Variants in TRPM3 observed in about 807,000 individuals in gnomAD.
The protein encoded by TRPM3 is long transient receptor potential channel 3.
Under a neutral mutation model 181.2 loss-of-function variants are expected in TRPM3, and 77 were observed. That is an observed-to-expected ratio of 0.42 (90% CI 0.35 to 0.51). TRPM3 has a LOEUF of 0.51. Ranked by LOEUF, TRPM3 falls within the 20% of genes least tolerant of loss-of-function variation. The pLI is 0.01. For missense variants in TRPM3, 1,759 were observed against 2,196.7 expected (o/e 0.80, Z 3.98); for synonymous variants, 745 against 796.4 (o/e 0.94, Z 1.09).
At chr9:70,850,561 A>G (rs2095185404) in intron 3 of TRPM3, among the ~76,000 whole-genome samples, 1 of 152,168 alleles carries the variant, frequency 6.6e-6, no homozygotes, top group East Asian at 1.9e-4. Context: ...TATACTAATT[A>G]TGTTCAGCTT....
At chr9:71,101,508 A>G (rs1312708351) in intron 1 of TRPM3, among the ~76,000 whole-genome samples, 1 of 152,184 alleles carries the variant, frequency 6.6e-6, no homozygotes, top group East Asian at 1.9e-4. Context: ...CAGGGAGTAC[A>G]GGTAGGATGG....
At chr9:70,744,687 G>C (rs1385428213) in intron 8 of TRPM3, among the ~76,000 whole-genome samples, 1 of 152,134 alleles carries the variant, frequency 6.6e-6, no homozygotes, top group Non-Finnish European at 1.5e-5. Flanking sequence ...ATAATGACTG[G>C]TATATAGGGG....
At chr9:71,147,317 C>A (rs1010641207) in intron 1 of TRPM3, among the ~76,000 whole-genome samples, 1 of 151,710 alleles carries the variant, frequency 6.6e-6, no homozygotes, top group African/African-American at 2.4e-5. Flanking sequence ...ATCCCTAAAC[C>A]CAGATAGAAA....
chr9:71,372,739 G>C (rs943341561), intron 1 of TRPM3, among the ~76,000 whole-genome samples: 44 of 152,098 alleles, frequency 2.9e-4, no homozygotes, highest in African/African-American at 1.0e-3. Context: ...AATGTAAATG[G>C]GCTAAATACC....
At chr9:70,862,871 A>T (rs765999036) in intron 3 of TRPM3, 37 bp downstream of exon 3, 2 of 1,602,918 alleles carry the variant, frequency 1.2e-6, no homozygotes, top group Non-Finnish European at 1.7e-6. Context: ...GAGACTTGAG[A>T]TAGCATTTGG....
At chr9:71,101,847 C>T (rs1303026865) in intron 1 of TRPM3, among the ~76,000 whole-genome samples, 1 of 152,148 alleles carries the variant, frequency 6.6e-6, no homozygotes, top group East Asian at 1.9e-4. Context: ...TGTGAGAAAG[C>T]TACATTTAAG....
chr9:70,668,298 A>G (rs1453771449), intron 9 of TRPM3, among the ~76,000 whole-genome samples: 2 of 152,186 alleles, frequency 1.3e-5, no homozygotes, highest in African/African-American at 4.8e-5. Flanking sequence ...CTCAATTGTA[A>G]GATGGATGAT....
At chr9:70,550,026 T>C (rs549090652) in intron 24 of TRPM3, among the ~76,000 whole-genome samples, 6 of 152,180 alleles carry the variant, frequency 3.9e-5, no homozygotes, top group African/African-American at 1.4e-4. Flanking sequence ...GGGCTGGGGG[T>C]GTGGCAGAGA....
chr9:70,738,304 C>T (rs907019855), intron 8 of TRPM3, among the ~76,000 whole-genome samples: 3 of 152,084 alleles, frequency 2.0e-5, no homozygotes, highest in Non-Finnish European at 2.9e-5. Context: ...GATGGACCCA[C>T]CAACTCATGG....
intron 21 of TRPM3, among the ~76,000 whole-genome samples, chr9:70,595,985 G>T (rs1050069434): frequency 6.6e-6 from 1 of 152,124 alleles, no homozygotes; most frequent in African/African-American, 2.4e-5. Flanking sequence ...AATACCATTT[G>T]TACAGTAGGG....
chr9:70,531,587 T>G lies in TRPM3; in HGVS notation c.*4366A>C, dbSNP rs1177065022. 8 of 152,186 alleles carry G rather than the reference T, an allele frequency of 5.3e-5. No individual in the cohort carries two copies. The highest frequency in any genetic ancestry group is 1.4e-4 in the African/African-American group (6 of 41,452). The allele number at this position is 152,186 out of a possible 1,614,324, so 9.4% of individuals were successfully genotyped here. ...GTTATAATGCAATATCTAGGCCAAA[T>G]ATATAACCACCTACACACTAGTATC... On this transcript the variant is annotated 3_prime_UTR_variant, in exon 26 of 26. Coordinates refer to ENST00000677713, the MANE Select transcript of TRPM3 (RefSeq NM_001366145.2).
At chr9:70,652,685 TCA>T (rs2059743290) in intron 9 of TRPM3, among the ~76,000 whole-genome samples, 1 of 152,204 alleles carries the variant, frequency 6.6e-6, no homozygotes, top group Admixed American at 6.5e-5. Flanking sequence ...GCAGAGTAAC[TCA>T]CAGTATCAGG....
chr9:71,215,365 T>A (rs777636793), intron 1 of TRPM3, among the ~76,000 whole-genome samples: 15 of 152,172 alleles, frequency 9.9e-5, no homozygotes, highest in South Asian at 4.1e-4. Context: ...TAACAGGCAT[T>A]CCTGGTAGCC....
chr9:71,061,478 C>T (rs1007820743), intron 1 of TRPM3, among the ~76,000 whole-genome samples: 12 of 152,184 alleles, frequency 7.9e-5, no homozygotes, highest in Admixed American at 7.9e-4. Flanking sequence ...AGTTTCCCAC[C>T]ATTCCCAGGA....
intron 1 of TRPM3, among the ~76,000 whole-genome samples, chr9:70,940,629 A>C (rs1393333333): frequency 6.6e-6 from 1 of 152,228 alleles, no homozygotes; most frequent in Non-Finnish European, 1.5e-5. Context: ...GAAAGAAATA[A>C]TCATGAAGTG....
intron 1 of TRPM3, among the ~76,000 whole-genome samples, chr9:71,013,195 T>G (rs542540201): frequency 3.9e-5 from 6 of 152,240 alleles, no homozygotes; most frequent in Non-Finnish European, 8.8e-5. Context: ...TGCATTTTTT[T>G]CTTTGGAGAT....
intron 22 of TRPM3, among the ~76,000 whole-genome samples, chr9:70,561,791 GC>G: frequency 6.6e-6 from 1 of 152,302 alleles, no homozygotes; most frequent in African/African-American, 2.4e-5. Flanking sequence ...CAGACACACA[GC>G]TTGGGAAGTC....
chr9:71,106,921 T>C (rs775973760), intron 1 of TRPM3, among the ~76,000 whole-genome samples: 1 of 152,146 alleles, frequency 6.6e-6, no homozygotes, highest in Non-Finnish European at 1.5e-5. Context: ...ACCCTCTTAA[T>C]AGAGCATCCT....
At chr9:71,234,880 A>G (rs7858061) in intron 1 of TRPM3, among the ~76,000 whole-genome samples, 104,257 of 152,102 alleles carry the variant, frequency 0.69, 35,886 homozygotes, top group African/African-American at 0.71. Flanking sequence ...AAACATTCAC[A>G]CTGTGTACTC....
Sources: gnomAD v4.1 joint callset for allele counts (sites outside exome capture counted in the v4.1 genomes callset) on GRCh38, gnomAD v4.1.1 for gene constraint, MANE v1.5 for transcripts, NCBI Gene and HGNC (gene_info 2026-07-23, HGNC 2026-07-21) for gene names.